The following METTL15 variants were observed in gnomAD, a reference collection of about 807,000 sequenced individuals.
The protein encoded by METTL15 is 12S rRNA N(4)-cytidine methyltransferase METTL15.
In METTL15, 34 loss-of-function variants were observed where a neutral mutation model predicts 38.3. The ratio of observed to expected loss-of-function variants is 0.89; its 90% CI spans 0.68 to 1.18. The LOEUF is 1.18. Ranked by LOEUF, METTL15 falls within the 50% of genes most tolerant of loss-of-function variation. METTL15 has a pLI of 0.00. For synonymous variants in METTL15, 162 were observed against 170.9 expected (o/e 0.95, Z 0.41); for missense variants, 438 against 498.4 (o/e 0.88, Z 1.15).
chr11:28,236,259 T>A (rs1265005154), intron 4 of METTL15, among the ~76,000 whole-genome samples: 1 of 152,198 alleles, frequency 6.6e-6, no homozygotes, highest in Non-Finnish European at 1.5e-5. Flanking sequence ...GATATTGGTC[T>A]AAAATTCTCT....
chr11:28,282,791 G>C (rs1007071153), intron 4 of METTL15, among the ~76,000 whole-genome samples: 2 of 152,138 alleles, frequency 1.3e-5, no homozygotes, highest in Admixed American at 1.3e-4. Flanking sequence ...CAATGTGTAA[G>C]TGAGGCCATG....
chr11:28,290,169 CA>C, intron 4 of METTL15, 36 bp from the exon 5 acceptor site: 1 of 1,535,846 alleles, frequency 6.5e-7, no homozygotes, highest in Admixed American at 2.0e-5. Context: ...TTCAATCTAA[CA>C]GAAGTGTTTT....
chr11:28,143,226 A>G (rs941024000), intron 3 of METTL15, among the ~76,000 whole-genome samples: 3 of 152,064 alleles, frequency 2.0e-5, no homozygotes, highest in Non-Finnish European at 4.4e-5. Context: ...TGAGACAAAG[A>G]TTTACCAGAT....
chr11:28,290,996 A>G (rs959599425), intron 5 of METTL15, among the ~76,000 whole-genome samples: 1 of 151,746 alleles, frequency 6.6e-6, no homozygotes, highest in Non-Finnish European at 1.5e-5. Context: ...ATTCAAATAG[A>G]TTAGATAACA....
At chr11:28,370,028 A>T (rs1428846886) in intron 5 of METTL15, among the ~76,000 whole-genome samples, 1 of 152,168 alleles carries the variant, frequency 6.6e-6, no homozygotes, top group East Asian at 1.9e-4. Flanking sequence ...AATCAGTGAA[A>T]CTGGGATATT....
At chr11:28,307,146 T>C (rs1857110433) in intron 6 of METTL15, among the ~76,000 whole-genome samples, 1 of 151,916 alleles carries the variant, frequency 6.6e-6, no homozygotes, top group Admixed American at 6.6e-5. Flanking sequence ...TATTATAAAC[T>C]ATAGAATAGA....
downstream of METTL15, chr11:28,527,049 T>TA (rs1851817265): frequency 6.6e-6 from 1 of 152,206 alleles, no homozygotes; most frequent in Non-Finnish European, 1.5e-5. Flanking sequence ...TCAGCTCTTT[T>TA]AAAAAATACA....
At chr11:28,169,708 G>A (rs1850784850) in intron 3 of METTL15, among the ~76,000 whole-genome samples, 1 of 151,830 alleles carries the variant, frequency 6.6e-6, no homozygotes, top group Non-Finnish European at 1.5e-5. Context: ...AGATAACTAC[G>A]TTAATCATAA....
At chr11:28,527,528 C>T (rs1851820479), downstream of METTL15, among the ~76,000 whole-genome samples, 1 of 152,174 alleles carries the variant, frequency 6.6e-6, no homozygotes, top group Admixed American at 6.5e-5. Flanking sequence ...CAGTCACAGT[C>T]AGTATCCTTG....
chr11:28,511,376 G>A (rs1162493299), intron 6 of METTL15, among the ~76,000 whole-genome samples: 1 of 152,196 alleles, frequency 6.6e-6, no homozygotes, highest in Non-Finnish European at 1.5e-5. Flanking sequence ...AAAAGAATAT[G>A]TTATTAAGAG....
chr11:28,128,523 T>G (rs749536218), intron 3 of METTL15, among the ~76,000 whole-genome samples: 6 of 152,166 alleles, frequency 3.9e-5, no homozygotes, highest in Non-Finnish European at 8.8e-5. Flanking sequence ...ATGTTGTAGT[T>G]TCTATAGTTT....
chr11:28,223,788 A>G lies in METTL15; in HGVS notation c.407+12590A>G, dbSNP rs574384016. 1.6e-4 allele frequency among the ~76,000 whole-genome samples: 24 copies of G among 152,182 alleles called. No individual in the cohort carries two copies. The South Asian group carries it at 2.1e-3, about 13-fold the overall frequency. ...GATCACCTGTTGTTTGAAGACTGAA[A>G]CTTTTTGCTGTTGCCTCTGAAGACT... On this transcript the variant is annotated intron_variant, in intron 4 of 6. Transcript: ENST00000407364.
intron 5 of METTL15, among the ~76,000 whole-genome samples, chr11:28,364,441 C>T (rs1850168045): frequency 6.6e-6 from 1 of 152,120 alleles, no homozygotes; most frequent in Non-Finnish European, 1.5e-5. Flanking sequence ...TTCCTCATAG[C>T]TATTGTAAAT....
intron 5 of METTL15, among the ~76,000 whole-genome samples, chr11:28,371,817 G>A (rs1458082971): frequency 1.3e-5 from 2 of 151,958 alleles, no homozygotes; most frequent in Non-Finnish European, 2.9e-5. Context: ...ATATACAAAT[G>A]CTACTGATTT....
chr11:28,217,509 G>A (rs1412755718), intron 4 of METTL15, among the ~76,000 whole-genome samples: 2 of 152,032 alleles, frequency 1.3e-5, no homozygotes, highest in East Asian at 3.9e-4. Flanking sequence ...TCTGTAGGTT[G>A]CCTGTTCACT....
intron 6 of METTL15, among the ~76,000 whole-genome samples, chr11:28,464,167 G>T (rs1192569459): frequency 6.6e-6 from 1 of 152,114 alleles, no homozygotes; most frequent in Non-Finnish European, 1.5e-5. Context: ...CTTAGTTCAT[G>T]TAACACTATC....
chr11:28,242,776 T>A (rs1854354234), intron 4 of METTL15, among the ~76,000 whole-genome samples: 1 of 152,158 alleles, frequency 6.6e-6, no homozygotes, highest in Non-Finnish European at 1.5e-5. Context: ...GGAATGTTTT[T>A]CTGGTTGTAC....
chr11:28,368,744 G>C (rs541413585), intron 5 of METTL15, among the ~76,000 whole-genome samples: 1 of 152,164 alleles, frequency 6.6e-6, no homozygotes, highest in South Asian at 2.1e-4. Context: ...CAAAGACTTG[G>C]AACCAACCCA....
chr11:28,312,150 G>C (rs183253897), intron 6 of METTL15, among the ~76,000 whole-genome samples: 1 of 152,282 alleles, frequency 6.6e-6, no homozygotes, highest in East Asian at 1.9e-4. Flanking sequence ...CATTAGCCAG[G>C]TGACATGTTA....
Sources: allele counts gnomAD v4.1 joint callset (sites outside exome capture counted in the v4.1 genomes callset), GRCh38; gene constraint gnomAD v4.1.1; transcripts MANE v1.5; gene names NCBI Gene and HGNC (gene_info 2026-07-23, HGNC 2026-07-21).